Variants in TMEM163 observed in about 807,000 individuals in gnomAD.
TMEM163 encodes the protein transmembrane protein 163.
A neutral mutation model predicts 29.3 loss-of-function variants in TMEM163; 17 were observed. The ratio of observed to expected loss-of-function variants is 0.58; its 90% confidence interval spans 0.40 to 0.87. The LOEUF (loss-of-function observed/expected upper bound fraction) is 0.87. Ranked by LOEUF, TMEM163 falls within the 40% of genes least tolerant of loss-of-function variation. The pLI is 0.00. For missense variants in TMEM163, 303 were observed against 381.5 expected (o/e 0.79, Z 1.71); for synonymous variants, 157 against 160.6 (o/e 0.98, Z 0.17).
intron 2 of TMEM163, among the ~76,000 whole-genome samples, chr2:134,581,931 T>C (rs1486666413): frequency 6.6e-6 from 1 of 152,200 alleles, no homozygotes; most frequent in African/African-American, 2.4e-5. Context: ...ATTGAAGACT[T>C]TGTCCTTCCT....
At chr2:134,717,380 CAG>C (rs565447197) in intron 1 of TMEM163, among the ~76,000 whole-genome samples, 51 of 152,288 alleles carry the variant, frequency 3.3e-4, no homozygotes, top group African/African-American at 1.1e-3. Flanking sequence ...TATGTGAGAA[CAG>C]GGGGAGAAAC....
At chr2:134,567,291 T>A (rs1681317552) in intron 2 of TMEM163, among the ~76,000 whole-genome samples, 2 of 152,194 alleles carry the variant, frequency 1.3e-5, no homozygotes, top group Non-Finnish European at 2.9e-5. Flanking sequence ...CAAAAAGAGC[T>A]CGTGCAGCGA....
At chr2:134,652,741 A>C (rs1683509954) in intron 2 of TMEM163, among the ~76,000 whole-genome samples, 1 of 131,782 alleles carries the variant, frequency 7.6e-6, no homozygotes, top group South Asian at 2.6e-4. Flanking sequence ...ATTTATTGAG[A>C]GTTTTTAGCA....
At chr2:134,583,209 T>C (rs1448347279) in intron 2 of TMEM163, among the ~76,000 whole-genome samples, 2 of 152,144 alleles carry the variant, frequency 1.3e-5, no homozygotes, top group African/African-American at 4.8e-5. Context: ...CCACATAAAA[T>C]TGGACAATTT....
rs1012248236 is a variant in TMEM163, at chr2:134,621,863, C to T, written c.323-69772G>A. Among the ~76,000 whole-genome samples, 7 of 151,868 alleles carry T rather than the reference C, an allele frequency of 4.6e-5. No individual in the cohort carries two copies. The East Asian group carries it at 7.7e-4, about 17-fold the overall frequency. On this transcript the variant is annotated intron_variant, in intron 2 of 7. Coordinates refer to ENST00000281924, the MANE Select transcript of TMEM163 (RefSeq NM_030923.5). ...CTGAGATGGTGCCACTGTACTCCAG[C>T]CAGGGCGACAGAGTGAGACTCCATC...
At chr2:134,505,029 C>G (rs1013745034) in intron 4 of TMEM163, among the ~76,000 whole-genome samples, 1 of 152,138 alleles carries the variant, frequency 6.6e-6, no homozygotes, top group African/African-American at 2.4e-5. Context: ...CCTATGAGCA[C>G]ATGTGCATGA....
rs116909803 is a variant in TMEM163, at chr2:134,699,499, A to C, written c.322+13701T>G. On this transcript the variant is annotated intron_variant, in intron 2 of 7. Transcript: ENST00000281924. ...AGCCTGGGCAACAAAGCAAGGCTCA[A>C]TCTCAAAAAAAAAAAAAATGTTGTA... Among the ~76,000 whole-genome samples, 108 of 150,754 alleles carry C rather than the reference A, an allele frequency of 7.2e-4. 2 individuals carry two copies. The East Asian group carries it at 0.015, about 21-fold the overall frequency.
chr2:134,657,910 C>T (rs919707307), intron 2 of TMEM163, among the ~76,000 whole-genome samples: 2 of 152,130 alleles, frequency 1.3e-5, no homozygotes, highest in Admixed American at 6.5e-5. Flanking sequence ...GTACTATGCT[C>T]ATTACCTGGG....
intron 1 of TMEM163, among the ~76,000 whole-genome samples, chr2:134,714,634 T>C (rs1684999808): frequency 1.3e-5 from 2 of 152,194 alleles, no homozygotes; most frequent in Admixed American, 1.3e-4. Flanking sequence ...TGAGCCCAGC[T>C]CACAGCCTAG....
intron 2 of TMEM163, among the ~76,000 whole-genome samples, chr2:134,580,296 C>A (rs1681663271): frequency 6.6e-6 from 1 of 152,134 alleles, no homozygotes; most frequent in Non-Finnish European, 1.5e-5. Flanking sequence ...TGAGTCACAG[C>A]CATCAATTTA....
intron 2 of TMEM163, among the ~76,000 whole-genome samples, chr2:134,672,265 A>G (rs1291017545): frequency 6.6e-6 from 1 of 152,144 alleles, no homozygotes; most frequent in Non-Finnish European, 1.5e-5. Context: ...GTACCTCTGG[A>G]CTCTAGAAAT....
chr2:134,599,796 G>A (rs1036353488), intron 2 of TMEM163, among the ~76,000 whole-genome samples: 4 of 151,108 alleles, frequency 2.6e-5, no homozygotes, highest in Non-Finnish European at 5.9e-5. Flanking sequence ...GCCTCCCAGA[G>A]TGTTGAGATT....
chr2:134,549,655 T>C (rs1680868217), intron 4 of TMEM163, among the ~76,000 whole-genome samples: 2 of 152,130 alleles, frequency 1.3e-5, no homozygotes, highest in African/African-American at 4.8e-5. Context: ...CAAGAGTACT[T>C]TCCATCTGGA....
At chr2:134,565,234 TCAAAAACAAAAA>T (rs897752335) in intron 2 of TMEM163, among the ~76,000 whole-genome samples, 1 of 151,642 alleles carries the variant, frequency 6.6e-6, no homozygotes, top group African/African-American at 2.4e-5. Context: ...CAAGACTGTC[TCAAAAACAAAAA>T]CAAAAACAAA....
intron 2 of TMEM163, among the ~76,000 whole-genome samples, chr2:134,659,272 CT>C (rs1490927242): frequency 6.6e-6 from 1 of 152,232 alleles, no homozygotes; most frequent in Non-Finnish European, 1.5e-5. Flanking sequence ...TATAGGACCA[CT>C]GTCATGTATG....
rs977174305 is a variant in TMEM163 at position 134,506,759 on chromosome 2, G to A, written c.459-3762C>T. Among the ~76,000 whole-genome samples, 12 of 152,332 alleles carry A rather than the reference G, an allele frequency of 7.9e-5. No individual in the cohort carries two copies. In the East Asian group the frequency reaches 2.1e-3, roughly 27 times the overall value. ...AAGATTTGAGTCAGGAGCAAACAGT[G>A]CAAATATGACTGCTTATGCATCTGC... On this transcript the variant is annotated intron_variant, in intron 4 of 7. Transcript: ENST00000281924.
intron 2 of TMEM163, among the ~76,000 whole-genome samples, chr2:134,704,189 T>C (rs1186943943): frequency 1.3e-5 from 2 of 152,118 alleles, no homozygotes; most frequent in East Asian, 1.9e-4. Context: ...CCTAGGACCA[T>C]GTCCATGTTA....
intron 2 of TMEM163, among the ~76,000 whole-genome samples, chr2:134,635,190 TAC>T (rs1339190430): frequency 1.3e-5 from 2 of 152,304 alleles, no homozygotes; most frequent in East Asian, 3.9e-4. Flanking sequence ...TTGAGACAAT[TAC>T]AGTCTCTGAC....
intron 6 of TMEM163, among the ~76,000 whole-genome samples, chr2:134,459,742 AC>A (rs1686491369): frequency 7.2e-6 from 1 of 139,622 alleles, no homozygotes; most frequent in Admixed American, 7.3e-5. Flanking sequence ...CTAGCCCCAC[AC>A]CCCCCTCCCC....
Sources: gnomAD v4.1 joint callset for allele counts (sites outside exome capture counted in the v4.1 genomes callset) on GRCh38, gnomAD v4.1.1 for gene constraint, MANE v1.5 for transcripts, NCBI Gene and HGNC (gene_info 2026-07-23, HGNC 2026-07-21) for gene names.